The following BTBD9 variants were observed in gnomAD, a reference collection of about 807,000 sequenced individuals.
The protein encoded by BTBD9 is BTB domain containing 9.
A neutral mutation model predicts 64.3 loss-of-function variants in BTBD9; 49 were observed. The observed-to-expected ratio is 0.76, with a 90% CI of 0.61 to 0.97. The LOEUF (loss-of-function observed/expected upper bound fraction) is 0.97, where lower values mean the gene tolerates loss of function less well. Among genes scored for constraint, BTBD9 ranks in the 50% least tolerant of loss-of-function variants. The pLI is 0.00. For missense variants in BTBD9, 598 were observed against 762.1 expected (o/e 0.78, Z 2.53); for synonymous variants, 260 against 274.7 (o/e 0.95, Z 0.53).
At chr6:38,399,033 G>A (rs982460445) in intron 6 of BTBD9, among the ~76,000 whole-genome samples, 3 of 152,178 alleles carry the variant, frequency 2.0e-5, no homozygotes, top group Non-Finnish European at 4.4e-5. Context: ...TTTCACCAGT[G>A]TTCACAGTCC....
At chr6:38,319,425 T>G (rs1763148681) in intron 7 of BTBD9, among the ~76,000 whole-genome samples, 1 of 151,988 alleles carries the variant, frequency 6.6e-6, no homozygotes, top group African/African-American at 2.4e-5. Flanking sequence ...TCTTAGAGTC[T>G]CACCCAAGGC....
chr6:38,302,485 G>GTGTGTATATATATATA (rs1554137022), intron 7 of BTBD9, among the ~76,000 whole-genome samples: 2 of 106,908 alleles, frequency 1.9e-5, no homozygotes, highest in African/African-American at 7.1e-5. Context: ...TTGTGTGTAT[G>GTGTGTATATATATATA]TATATATATA....
chr6:38,403,170 GC>G lies in BTBD9; in HGVS notation c.1155-58078del, dbSNP rs201234370. 2.4e-3 allele frequency among the ~76,000 whole-genome samples: 360 copies of G among 152,016 alleles called. 2 individuals are homozygous for G. The highest frequency in any genetic ancestry group is 4.1e-3 in the Admixed American group (63 of 15,250). On this transcript the variant is annotated intron_variant, in intron 6 of 10. Transcript: ENST00000481247. ...AAGGAAAGGAAAACCTAAATCACAA[GC>G]AACCAAAGAAAAAATAAATTGGACT...
intron 9 of BTBD9, among the ~76,000 whole-genome samples, chr6:38,219,135 T>C (rs972874980): frequency 1.0e-3 from 124 of 118,710 alleles, no homozygotes; most frequent in East Asian, 7.3e-3. Flanking sequence ...TTTTCTTTTT[T>C]TTTTTTTTTT....
At position 38,211,725 on chromosome 6, in the gene BTBD9, C is replaced by T. The variant is rs1464030417; in HGVS notation, c.1563-19128G>A. ...AGCCACTGCCCTCCAGCCTGGGCAA[C>T]AGAGCAAGATTCTGCCTTAAAAAAA... On this transcript the variant is annotated intron_variant, in intron 9 of 10. Coordinates refer to ENST00000481247, the MANE Select transcript of BTBD9 (RefSeq NM_001099272.2). Among the ~76,000 whole-genome samples the T allele has an allele frequency of 5.9e-5, 8 of 135,180 alleles. No homozygotes were observed. The South Asian group carries it at 2.0e-3, about 34-fold the overall frequency. 88.7% of individuals were successfully genotyped at this position (135,180 alleles called of 152,430 possible). A position where few individuals can be genotyped will look rare whatever the true frequency, so the allele number is the denominator to read the frequency against.
chr6:38,339,011 G>A (rs9380736), intron 7 of BTBD9, among the ~76,000 whole-genome samples: 9,187 of 152,162 alleles, frequency 0.06, 742 homozygotes, highest in East Asian at 0.37. Context: ...TACAATACCA[G>A]GGAGAATTTA....
chr6:38,569,598 C>G (rs1238112955), intron 6 of BTBD9, among the ~76,000 whole-genome samples: 1 of 152,076 alleles, frequency 6.6e-6, no homozygotes, highest in East Asian at 1.9e-4. Context: ...AATTTATATT[C>G]TAAAATTATA....
At chr6:38,604,571 T>C (rs908704161) in intron 1 of BTBD9, among the ~76,000 whole-genome samples, 1 of 152,180 alleles carries the variant, frequency 6.6e-6, no homozygotes, top group African/African-American at 2.4e-5. Context: ...CTAAGGAAAG[T>C]AGGACCAGAT....
intron 4 of BTBD9, among the ~76,000 whole-genome samples, chr6:38,591,315 A>T (rs1265059241): frequency 1.3e-5 from 2 of 152,162 alleles, no homozygotes; most frequent in East Asian, 3.9e-4. Flanking sequence ...GATTCTTCCC[A>T]TCTGAAATTC....
At chr6:38,201,476 A>G (rs2127492608) in intron 9 of BTBD9, among the ~76,000 whole-genome samples, 1 of 152,330 alleles carries the variant, frequency 6.6e-6, no homozygotes, top group African/African-American at 2.4e-5. Context: ...ACAAACCCAT[A>G]GCTAACATCG....
At chr6:38,522,304 C>T (rs903746789) in intron 6 of BTBD9, among the ~76,000 whole-genome samples, 26 of 152,168 alleles carry the variant, frequency 1.7e-4, no homozygotes, top group African/African-American at 6.3e-4. Context: ...ACAATTTGAA[C>T]CTACTAGAGC....
intron 6 of BTBD9, among the ~76,000 whole-genome samples, chr6:38,573,414 T>C (rs765598596): frequency 7.9e-5 from 12 of 152,152 alleles, no homozygotes; most frequent in Admixed American, 2.6e-4. Flanking sequence ...ATTAACCAAG[T>C]TCATCTCTCC....
intron 6 of BTBD9, among the ~76,000 whole-genome samples, chr6:38,464,191 G>GA (rs1288577399): frequency 6.6e-6 from 1 of 152,178 alleles, no homozygotes; most frequent in Non-Finnish European, 1.5e-5. Context: ...AGAGAACACA[G>GA]AAGAGATCAA....
intron 10 of BTBD9, among the ~76,000 whole-genome samples, chr6:38,182,609 T>C (rs559850695): frequency 6.6e-6 from 1 of 152,250 alleles, no homozygotes; most frequent in African/African-American, 2.4e-5. Context: ...GGGCGGTTCT[T>C]CACTTTGTGT....
intron 9 of BTBD9, among the ~76,000 whole-genome samples, chr6:38,243,286 T>TA (rs1712007919): frequency 6.6e-6 from 1 of 152,164 alleles, no homozygotes; most frequent in African/African-American, 2.4e-5. Context: ...GCAGGATATT[T>TA]AAAAATGAGA....
At chr6:38,183,259 G>A (rs1293589535) in intron 10 of BTBD9, among the ~76,000 whole-genome samples, 1 of 152,202 alleles carries the variant, frequency 6.6e-6, no homozygotes, top group Non-Finnish European at 1.5e-5. Flanking sequence ...TTACAGGTGT[G>A]AGCCACCGCG....
chr6:38,543,781 C>A (rs892199663), intron 6 of BTBD9, among the ~76,000 whole-genome samples: 14 of 152,132 alleles, frequency 9.2e-5, no homozygotes, highest in Non-Finnish European at 1.9e-4. Context: ...CACAGTGAAA[C>A]CCCGTTTCTA....
chr6:38,578,442 T>C (rs1287333231), intron 5 of BTBD9, among the ~76,000 whole-genome samples: 1 of 152,176 alleles, frequency 6.6e-6, no homozygotes, highest in African/African-American at 2.4e-5. Flanking sequence ...TCCCCTGTCA[T>C]AAGCCAAATT....
chr6:38,527,973 T>C (rs970609494), intron 6 of BTBD9, among the ~76,000 whole-genome samples: 4 of 151,950 alleles, frequency 2.6e-5, no homozygotes, highest in Non-Finnish European at 2.9e-5. Flanking sequence ...GTCAGGTAAG[T>C]GATCATAATA....
Sources: allele counts gnomAD v4.1 joint callset (sites outside exome capture counted in the v4.1 genomes callset), GRCh38; gene constraint gnomAD v4.1.1; transcripts MANE v1.5; gene names NCBI Gene and HGNC (gene_info 2026-07-23, HGNC 2026-07-21).